The following MICALL2 variants were observed in gnomAD, a reference collection of about 807,000 sequenced individuals.
MICALL2 encodes MICAL like 2, also known as MICAL-like protein 2.
In MICALL2, 111 loss-of-function variants were observed where a neutral mutation model predicts 91.1. The observed-to-expected ratio is 1.22, with a 90% CI of 1.04 to 1.43. The LOEUF is 1.43. Ranked by LOEUF, MICALL2 falls within the 40% of genes most tolerant of loss-of-function variation. The pLI is 0.00. For missense variants in MICALL2, 1,556 were observed against 1,236.0 expected (o/e 1.26, Z -3.88); for synonymous variants, 694 against 525.3 (o/e 1.32, Z -4.39).
chr7:1,442,802 T>G (rs1780372116), intron 6 of MICALL2, among the ~76,000 whole-genome samples: 1 of 152,136 alleles, frequency 6.6e-6, no homozygotes, highest in African/African-American at 2.4e-5. Flanking sequence ...CCCTGTGAAA[T>G]CCAGTGTTGG....
At chr7:1,439,604 T>TAA in intron 9 of MICALL2, 1 of 291,294 alleles carries the variant, frequency 3.4e-6, no homozygotes. Context: ...TACACATGCA[T>TAA]CACACATCAC....
At position 1,435,163 on chromosome 7, in the gene MICALL2, A is replaced by G. The variant is rs67046940; in HGVS notation, c.2592-16T>C. On this transcript the variant is annotated splice_polypyrimidine_tract_variant and intron_variant, in intron 15 of 16. Coordinates refer to ENST00000297508, the MANE Select transcript of MICALL2 (RefSeq NM_182924.4). ...CTCTTGTTCCCTGAAACGGGACCAG[A>G]TGGCCATGAGCGACAATGGCAATGG... 0.19 allele frequency: 300,732 copies of G among 1,612,668 alleles called. 33,276 individuals are homozygous for G. The highest frequency in any genetic ancestry group is 0.5 in the African/African-American group (37,522 of 74,902).
chr7:1,442,553 C>T (rs756364719), intron 6 of MICALL2, 69 bp from the exon 7 acceptor site: 122 of 1,432,068 alleles, frequency 8.5e-5, no homozygotes, highest in Non-Finnish European at 1.1e-4. Context: ...CCCGAGGCCG[C>T]CCCTCTGCCT....
chr7:1,440,179 G>A (rs570236129), intron 8 of MICALL2, 94 bp from the exon 9 acceptor site: 55 of 1,467,708 alleles, frequency 3.7e-5, no homozygotes, highest in Non-Finnish European at 4.6e-5. Context: ...ACCAGCCGGA[G>A]GGAGCAGGTG....
At chr7:1,439,736 C>T (rs60140167) in intron 9 of MICALL2, 189 bp downstream of exon 9, 33,329 of 456,444 alleles carry the variant, frequency 0.073, 1,786 homozygotes, top group African/African-American at 0.18. Context: ...TGAACACATG[C>T]ACACATGCAT....
chr7:1,437,570 ATGTC>A lies in MICALL2; in HGVS notation c.2437_2440del (p.Asp813SerfsTer15). 1 of 1,535,388 alleles carries A rather than the reference ATGTC, an allele frequency of 6.5e-7. No individual in the cohort carries two copies. Among genetic ancestry groups the A allele is most frequent in the Non-Finnish European group, 8.7e-7 (1 of 1,145,476 alleles). On this transcript the variant is annotated frameshift_variant, in exon 14 of 17. Transcript: ENST00000297508. LOFTEE classifies it high-confidence loss of function. ...CATGAGCCGGCGCAGCTCGCCCTCG[ATGTC>A]CAGCTGCTGCTCCTCCAGACGCTGG...
intron 1 of MICALL2, among the ~76,000 whole-genome samples, chr7:1,458,540 G>A (rs949384830): frequency 1.3e-5 from 2 of 152,250 alleles, no homozygotes; most frequent in Non-Finnish European, 2.9e-5. Context: ...ATTCAGCAAC[G>A]GGCAGGGCCA....
rs1173809415 is a variant in MICALL2 at position 1,438,222 on chromosome 7, T to C, written c.2188-2A>G. ...CGGGGAGAGGTAGTCGGGGTGCAGCTGGGAACGGAGGGGCGGTGAGGATGC... is the reference window on the plus strand; with the variant it reads ...CGGGGAGAGGTAGTCGGGGTGCAGCCGGGAACGGAGGGGCGGTGAGGATGC... On this transcript the variant is annotated splice_acceptor_variant, in intron 11 of 16. Coordinates refer to ENST00000297508, the MANE Select transcript of MICALL2 (RefSeq NM_182924.4). LOFTEE classifies it high-confidence loss of function. The C allele has an allele frequency of 6.3e-7, 1 of 1,588,550 alleles. No homozygotes were observed. The highest frequency in any genetic ancestry group is 8.6e-7 in the Non-Finnish European group (1 of 1,167,668).
chr7:1,434,980 T>TTGGCC, intron 16 of MICALL2, 121 bp downstream of exon 16: 1 of 628,928 alleles, frequency 1.6e-6, no homozygotes, highest in Middle Eastern at 4.3e-4. Flanking sequence ...GGGGACCCGA[T>TTGGCC]ACCCGCCCCC....
At chr7:1,454,773 T>C (rs1025876111) in intron 1 of MICALL2, among the ~76,000 whole-genome samples, 2 of 151,754 alleles carry the variant, frequency 1.3e-5, no homozygotes, top group African/African-American at 4.8e-5. Context: ...AGCTTCTGGG[T>C]GGGGGCCTCT....
At position 1,445,218 on chromosome 7, in the gene MICALL2, C is replaced by A; in HGVS notation, c.852G>T (p.Pro284=). Reference sequence around the variant, plus strand: ...TGCCCGCAGCAGGCTCCCAGGCCGACGGTCTGGCCTTGTTTGCCTCCTGGG... The same window carrying A: ...TGCCCGCAGCAGGCTCCCAGGCCGAAGGTCTGGCCTTGTTTGCCTCCTGGG... ...QKAQEANKAR[P]SAWEPAAGNS... is the part of the protein sequence containing the mutation. Residue 284 remains proline (P), a synonymous_variant, in exon 6 of 17, where the codon CCG becomes CCT. Coordinates refer to ENST00000297508, the MANE Select transcript of MICALL2 (RefSeq NM_182924.4). 6.2e-7 allele frequency: 1 copy of A among 1,607,558 alleles called. No individual in the cohort carries two copies.
At position 1,436,809 on chromosome 7, in the gene MICALL2, C is replaced by T. The variant is rs754325896; in HGVS notation, c.2524G>A (p.Glu842Lys). ...TCGTTCACGGTGCTCACGTACTGCT[C>T]CAGCAGCTCCTGCTCCCGCCGCCGC... The part of the protein sequence containing the change: ...QERRREQELL[E>K]QYVSTVNDRS... Residue 842 changes from glutamate to lysine, a missense_variant, in exon 15 of 17, where the codon GAG (glutamate) becomes AAG (lysine). Transcript: ENST00000297508. The T allele has an allele frequency of 1.2e-6, 2 of 1,607,192 alleles. No individual in the cohort carries two copies. The highest frequency in any genetic ancestry group is 1.7e-5 in the Admixed American group (1 of 59,614).
chr7:1,445,166 C>T lies in MICALL2; in HGVS notation c.904G>A (p.Ala302Thr). 6.3e-7 allele frequency: 1 copy of T among 1,581,286 alleles called. No homozygotes were observed. Among genetic ancestry groups the T allele is most frequent in the Non-Finnish European group, 8.6e-7 (1 of 1,164,890 alleles). ...GNSPARASVP[A>T]APNPAATSAT... Reference sequence around the variant, plus strand: ...CTGGTGGCTGCAGGGTTGGGTGCAGCTGGAACGGAAGCCCTGGCAGGCGAG... The same window carrying T: ...CTGGTGGCTGCAGGGTTGGGTGCAGTTGGAACGGAAGCCCTGGCAGGCGAG... The change falls in exon 6 of 17, where the codon GCT (alanine) becomes ACT (threonine). Residue 302 changes from alanine to threonine, a missense_variant. Transcript: ENST00000297508.
rs773308322 is a variant in MICALL2, at chr7:1,438,160, G to A, written c.2248C>T (p.Arg750Trp). ...IQRQLQDIER[R>W]LDALELRGVE... The stretch of plus-strand genomic sequence containing the variant: ...CCGCGGAGCTCCAGGGCGTCCAGCC[G>A]CCTCTCGATGTCCTGCAGCTGCCTC... The change falls in exon 12 of 17, where the codon CGG (arginine) becomes TGG (tryptophan). Residue 750 changes from arginine (R) to tryptophan (W), a missense_variant. Arg to Trp is a moderately radical substitution (Grantham distance 101). Coordinates refer to ENST00000297508, the MANE Select transcript of MICALL2 (RefSeq NM_182924.4). The A allele has an allele frequency of 1.4e-5, 22 of 1,563,902 alleles. No homozygotes were observed. The highest frequency in any genetic ancestry group is 4.1e-5 in the African/African-American group (3 of 73,908).
Position 1,434,508 on chromosome 7 carries a change from G to GTCCGGGT in MICALL2, c.*81_*87dup, listed in dbSNP as rs376162365. On this transcript the variant is annotated 3_prime_UTR_variant, in exon 17 of 17. Coordinates refer to ENST00000297508, the MANE Select transcript of MICALL2 (RefSeq NM_182924.4). ...GCCGAGCCCACGGCCCCGAGTACAAGTCCGGGTTCCGGGTCCGGGCCAAGC... is the reference window on the plus strand; with the variant it reads ...GCCGAGCCCACGGCCCCGAGTACAAGTCCGGGTTCCGGGTTCCGGGTCCGGGCCAAGC... The GTCCGGGT allele has an allele frequency of 4.5e-5, 55 of 1,210,268 alleles. No homozygotes were observed. In the East Asian group the frequency reaches 8.4e-4, roughly 19 times the overall value. The allele number at this position is 1,210,268 out of a possible 1,614,324, so 75.0% of individuals were successfully genotyped here. A position where few individuals can be genotyped will look rare whatever the true frequency, so the allele number is the denominator to read the frequency against.
intron 14 of MICALL2, 150 bp from the exon 15 acceptor site, chr7:1,437,006 TAA>T (rs1780001522): frequency 1.8e-6 from 1 of 548,266 alleles, no homozygotes; most frequent in Non-Finnish European, 3.1e-6. Context: ...AATGAGTGAA[TAA>T]GTGAATGAAG....
At chr7:1,434,934 G>A in intron 16 of MICALL2, 167 bp downstream of exon 16, 3 of 810,634 alleles carry the variant, frequency 3.7e-6, no homozygotes, top group Non-Finnish European at 5.9e-6. Context: ...CTCACCCTCA[G>A]GGTGAACCTG....
intron 3 of MICALL2, among the ~76,000 whole-genome samples, 176 bp downstream of exon 3, chr7:1,448,444 C>T (rs541506106): frequency 5.3e-5 from 8 of 152,018 alleles, no homozygotes; most frequent in Admixed American, 3.3e-4. Context: ...GGGGATGGGG[C>T]GCCCACCAAG....
chr7:1,444,757 G>A lies in MICALL2; in HGVS notation c.1313C>T (p.Thr438Ile), dbSNP rs765517535. The change falls in exon 6 of 17, where the codon ACC (threonine) becomes ATC (isoleucine). Residue 438 changes from threonine to isoleucine, a missense_variant. Transcript: ENST00000297508. ...PGTSLSGRGPTPSLVLSKDSS... is the reference protein window; with the variant it reads ...PGTSLSGRGPIPSLVLSKDSS... The stretch of plus-strand genomic sequence containing the variant: ...GTCCTTGGATAGAACAAGTGACGGG[G>A]TGGGACCTCTGCCAGAAAGGCTGGT... The A allele has an allele frequency of 8.7e-6, 14 of 1,612,204 alleles. No individual in the cohort carries two copies. Among genetic ancestry groups the A allele is most frequent in the African/African-American group, 1.3e-5 (1 of 74,946 alleles).
Sources: allele counts gnomAD v4.1 joint callset (sites outside exome capture counted in the v4.1 genomes callset), GRCh38; gene constraint gnomAD v4.1.1; transcripts MANE v1.5; gene names NCBI Gene and HGNC (gene_info 2026-07-23, HGNC 2026-07-21).